Variants in METTL2B observed in about 807,000 individuals in gnomAD.
METTL2B encodes tRNA N(3)-cytidine methyltransferase METTL2B.
Under a neutral mutation model 51.0 loss-of-function variants are expected in METTL2B, and 28 were observed. That is an observed-to-expected ratio of 0.55 (90% CI 0.41 to 0.75). The LOEUF is 0.75. METTL2B is among the 30% of genes least tolerant of loss of function. The pLI is 0.00. For synonymous variants in METTL2B, 128 were observed against 166.3 expected (o/e 0.77, Z 1.77); for missense variants, 313 against 460.7 (o/e 0.68, Z 2.93).
Position 128,500,975 on chromosome 7 carries a change from AAC to A in METTL2B, c.982+10_982+11del. 1.9e-6 allele frequency: 3 copies of A among 1,614,126 alleles called. No individual in the cohort carries two copies. Among genetic ancestry groups the A allele is most frequent in the Non-Finnish European group, 2.5e-6 (3 of 1,180,016 alleles). On this transcript the variant is annotated splice_region_variant and intron_variant, in intron 8 of 8. Coordinates refer to ENST00000262432, the MANE Select transcript of METTL2B (RefSeq NM_018396.3). Reference sequence around the variant, plus strand: ...GTTTACTTCTTCACACAAGGTATGAAACACTCATCTTTTTACGCTAAAAGTCC... The same window carrying A: ...GTTTACTTCTTCACACAAGGTATGAAACTCATCTTTTTACGCTAAAAGTCC...
At chr7:128,496,988 G>A (rs936023850) in intron 6 of METTL2B, among the ~76,000 whole-genome samples, 1 of 152,036 alleles carries the variant, frequency 6.6e-6, no homozygotes, top group African/African-American at 2.4e-5. Context: ...TCACCATGTT[G>A]GTCTGGCTGG....
intron 4 of METTL2B, among the ~76,000 whole-genome samples, chr7:128,481,748 T>C (rs1453669379): frequency 6.6e-6 from 1 of 152,164 alleles, no homozygotes; most frequent in Non-Finnish European, 1.5e-5. Flanking sequence ...GCTCAAGCAA[T>C]CGTCTCACCT....
rs1256157159 is a variant in METTL2B at position 128,503,376 on chromosome 7, T to G, written c.*1460T>G. 1 of 151,996 alleles carries G rather than the reference T, an allele frequency of 6.6e-6. No homozygotes were observed. Among genetic ancestry groups the G allele is most frequent in the Non-Finnish European group, 1.5e-5 (1 of 68,002 alleles). 9.4% of individuals were successfully genotyped at this position (151,996 alleles called of 1,614,324 possible). ...CACAAAAGGAATTGAGAGAACTTCTTAATTTTAACCACATCATCACTTCAC... is the reference window on the plus strand; with the variant it reads ...CACAAAAGGAATTGAGAGAACTTCTGAATTTTAACCACATCATCACTTCAC... On this transcript the variant is annotated 3_prime_UTR_variant, in exon 9 of 9. Transcript: ENST00000262432.
Position 128,488,303 on chromosome 7 carries a change from C to T in METTL2B, c.669+142C>T, listed in dbSNP as rs762437928. The T allele has an allele frequency of 2.1e-5, 21 of 1,003,514 alleles. No homozygotes were observed. The South Asian group carries it at 2.6e-4, about 13-fold the overall frequency. The allele number at this position is 1,003,514 out of a possible 1,614,324, so 62.2% of individuals were successfully genotyped here. A position where few individuals can be genotyped will look rare whatever the true frequency, so the allele number is the denominator to read the frequency against. On this transcript the variant is annotated intron_variant, in intron 5 of 8. Coordinates refer to ENST00000262432, the MANE Select transcript of METTL2B (RefSeq NM_018396.3). ...AAGTAAAAGATTTACTGATAACGAG[C>T]ATACCTTGTTTTATTGCAGTTCACT...
At chr7:128,501,359 G>A in intron 8 of METTL2B, 6 of 985,346 alleles carry the variant, frequency 6.1e-6, no homozygotes, top group Non-Finnish European at 7.2e-6. Flanking sequence ...TCTGCAACTG[G>A]CCCATCCACA....
intron 6 of METTL2B, among the ~76,000 whole-genome samples, chr7:128,494,981 C>A (rs1305213405): frequency 2.0e-5 from 3 of 150,964 alleles, no homozygotes; most frequent in African/African-American, 7.3e-5. Context: ...GTGATGAGAT[C>A]TTGGCTCACT....
chr7:128,501,010 C>T, intron 8 of METTL2B, 42 bp downstream of exon 8: 1 of 1,613,034 alleles, frequency 6.2e-7, no homozygotes, highest in Non-Finnish European at 8.5e-7. Flanking sequence ...TCCCCAGTAC[C>T]AGATGGTCTT....
rs558501422 is a variant in METTL2B, at chr7:128,479,965, T to C, written c.558+452T>C. Among the ~76,000 whole-genome samples the C allele has an allele frequency of 9.8e-4, 149 of 152,320 alleles. 1 individual carries two copies. The highest frequency in any genetic ancestry group is 3.4e-3 in the African/African-American group (140 of 41,578). On this transcript the variant is annotated intron_variant, in intron 3 of 8. Transcript: ENST00000262432. ...ATAATTCTCTTCCTCTGCATTTGGA[T>C]GGTGTTGCAGAGTCTAGACCTGGAA...
intron 4 of METTL2B, among the ~76,000 whole-genome samples, chr7:128,487,255 C>T (rs1026525665): frequency 2.0e-5 from 3 of 152,156 alleles, no homozygotes; most frequent in Non-Finnish European, 4.4e-5. Context: ...CTTTGAGAGG[C>T]TGGAGGTATT....
At chr7:128,486,160 G>T (rs879881177) in intron 4 of METTL2B, among the ~76,000 whole-genome samples, 1 of 152,042 alleles carries the variant, frequency 6.6e-6, no homozygotes, top group Non-Finnish European at 1.5e-5. Context: ...CAGGCGTGGT[G>T]GTGGGTGCCT....
chr7:128,499,286 C>T (rs1792982584), intron 7 of METTL2B, among the ~76,000 whole-genome samples: 2 of 152,138 alleles, frequency 1.3e-5, no homozygotes, highest in South Asian at 2.1e-4. Context: ...CAAGTTAGTA[C>T]TTCTTATTGC....
At chr7:128,492,262 T>G (rs1025003171) in intron 5 of METTL2B, among the ~76,000 whole-genome samples, 20 of 151,690 alleles carry the variant, frequency 1.3e-4, no homozygotes, top group Admixed American at 1.1e-3. Flanking sequence ...GTTCAAGCGA[T>G]TCTCCTGCCT....
chr7:128,487,310 A>C (rs1393786529), intron 4 of METTL2B, among the ~76,000 whole-genome samples: 3 of 152,224 alleles, frequency 2.0e-5, no homozygotes, highest in Non-Finnish European at 2.9e-5. Flanking sequence ...TTATGAGCCC[A>C]ACAGTGCAGA....
intron 6 of METTL2B, among the ~76,000 whole-genome samples, chr7:128,495,744 C>A (rs1253009892): frequency 6.6e-6 from 1 of 152,142 alleles, no homozygotes; most frequent in Admixed American, 6.5e-5. Flanking sequence ...TGAGCCACTG[C>A]ACCTGACCAA....
chr7:128,486,261 C>G (rs1341745442), intron 4 of METTL2B, among the ~76,000 whole-genome samples: 6 of 151,836 alleles, frequency 4.0e-5, no homozygotes, highest in Non-Finnish European at 8.8e-5. Context: ...CTATTGCACT[C>G]CAGCCTGGGT....
intron 5 of METTL2B, among the ~76,000 whole-genome samples, chr7:128,489,149 G>A (rs1258026946): frequency 1.3e-5 from 2 of 151,944 alleles, no homozygotes; most frequent in Non-Finnish European, 2.9e-5. Flanking sequence ...TACGTTATTG[G>A]TTGGCCACAA....
chr7:128,500,038 G>A, intron 7 of METTL2B, among the ~76,000 whole-genome samples: 1 of 152,012 alleles, frequency 6.6e-6, no homozygotes, highest in East Asian at 1.9e-4. Flanking sequence ...CAATGTGCAA[G>A]GGAGTATTTT....
intron 6 of METTL2B, among the ~76,000 whole-genome samples, chr7:128,496,541 C>T (rs892281150): frequency 1.5e-4 from 23 of 151,936 alleles, no homozygotes; most frequent in Non-Finnish European, 2.6e-4. Flanking sequence ...AGAGTGAGAC[C>T]CTGTCTCAAA....
chr7:128,497,027 C>G (rs1477852211), intron 6 of METTL2B, among the ~76,000 whole-genome samples: 1 of 152,078 alleles, frequency 6.6e-6, no homozygotes, highest in Non-Finnish European at 1.5e-5. Context: ...AGGTGATCTG[C>G]CTGCCTTAGC....
Sources: allele counts gnomAD v4.1 joint callset (sites outside exome capture counted in the v4.1 genomes callset), GRCh38; gene constraint gnomAD v4.1.1; transcripts MANE v1.5; gene names NCBI Gene and HGNC (gene_info 2026-07-23, HGNC 2026-07-21).